The following NTRK2 variants were observed in gnomAD, a reference collection of about 807,000 sequenced individuals.
The protein encoded by NTRK2 is BDNF/NT-3 growth factors receptor.
Under a neutral mutation model 94.5 loss-of-function variants are expected in NTRK2, and 13 were observed. The observed-to-expected ratio is 0.14, with a 90% confidence interval of 0.09 to 0.22. The LOEUF is 0.22. Ranked by LOEUF, NTRK2 falls within the 10% of genes least tolerant of loss-of-function variation. NTRK2 has a pLI of 1.00. For synonymous variants in NTRK2, 372 were observed against 407.4 expected, an observed-to-expected ratio of 0.91 and a Z score of 1.05; for missense variants, 639 against 1,071.2, an observed-to-expected ratio of 0.60 and a Z score of 5.63.
intron 14 of NTRK2, among the ~76,000 whole-genome samples, chr9:84,913,450 G>A (rs1246847486): frequency 7.2e-5 from 11 of 152,090 alleles, no homozygotes; most frequent in Admixed American, 7.2e-4. Context: ...TTCAACCATT[G>A]AGCACAATGT....
In NTRK2 at chr9:85,025,455, A is replaced by G. The variant is rs1832986797; in HGVS notation, c.*4018A>G. ...CAGTCCAAGACCCCACAGCGAGATG[A>G]GCAACTCTTAGGAATTCCCACATCC... On this transcript the variant is annotated 3_prime_UTR_variant, in exon 19 of 19. Transcript: ENST00000277120. 1 of 233,168 alleles carries G rather than the reference A, an allele frequency of 4.3e-6. No individual in the cohort carries two copies. Among genetic ancestry groups the G allele is most frequent in the East Asian group, 6.0e-5 (1 of 16,600 alleles). The allele number at this position is 233,168 out of a possible 1,614,324, so 14.4% of individuals were successfully genotyped here.
At chr9:84,746,192 AATG>A (rs1419463833) in intron 11 of NTRK2, among the ~76,000 whole-genome samples, 10 of 152,198 alleles carry the variant, frequency 6.6e-5, no homozygotes, top group African/African-American at 2.4e-4. Flanking sequence ...AACAAAAAAG[AATG>A]ATATTTCATA....
At chr9:84,723,764 C>T (rs1349830198) in intron 7 of NTRK2, 55 bp downstream of exon 7, 16 of 1,604,266 alleles carry the variant, frequency 1.0e-5, no homozygotes, top group Admixed American at 3.3e-5. Flanking sequence ...TTTCAGAATG[C>T]GAGAATGTAT....
intron 14 of NTRK2, among the ~76,000 whole-genome samples, chr9:84,895,957 G>A (rs72739923): frequency 0.021 from 3,251 of 152,312 alleles, 54 homozygotes; most frequent in Non-Finnish European, 0.032. Flanking sequence ...ATGTTAATTC[G>A]TAAATAAATA....
chr9:84,686,953 TTTTA>T (rs1257836154), intron 2 of NTRK2, among the ~76,000 whole-genome samples: 7 of 152,220 alleles, frequency 4.6e-5, no homozygotes, highest in Admixed American at 6.5e-5. Context: ...TCTATTGATG[TTTTA>T]TTTATTTATG....
intron 2 of NTRK2, among the ~76,000 whole-genome samples, chr9:84,676,904 A>G (rs1369712019): frequency 6.6e-6 from 1 of 152,182 alleles, no homozygotes; most frequent in African/African-American, 2.4e-5. Flanking sequence ...TCTGAAAGCA[A>G]TCATCTTATC....
At chr9:84,684,960 G>C (rs2059617816) in intron 2 of NTRK2, among the ~76,000 whole-genome samples, 1 of 151,790 alleles carries the variant, frequency 6.6e-6, no homozygotes, top group Non-Finnish European at 1.5e-5. Context: ...TTGTGAAGCA[G>C]AATTAAGTTT....
intron 4 of NTRK2, among the ~76,000 whole-genome samples, chr9:84,704,728 C>T (rs1438704055): frequency 6.6e-6 from 1 of 152,126 alleles, no homozygotes; most frequent in Non-Finnish European, 1.5e-5. Flanking sequence ...AATAGTAAGA[C>T]AGAGAGAAAT....
At chr9:84,699,698 A>C (rs2060603528) in intron 2 of NTRK2, among the ~76,000 whole-genome samples, 1 of 150,892 alleles carries the variant, frequency 6.6e-6, no homozygotes, top group Admixed American at 6.6e-5. Flanking sequence ...ATGCATTTCT[A>C]AATTGAATTC....
chr9:84,991,024 G>A (rs1001398593), intron 17 of NTRK2, among the ~76,000 whole-genome samples: 50 of 152,182 alleles, frequency 3.3e-4, no homozygotes, highest in African/African-American at 1.1e-3. Flanking sequence ...GTCACACTGG[G>A]TAGGAGCAGG....
At chr9:84,712,946 C>T (rs1006733492) in intron 6 of NTRK2, among the ~76,000 whole-genome samples, 2 of 152,126 alleles carry the variant, frequency 1.3e-5, no homozygotes, top group African/African-American at 4.8e-5. Context: ...CTTATTCATG[C>T]TTTTTACACA....
At chr9:84,693,155 A>T (rs1253797437) in intron 2 of NTRK2, among the ~76,000 whole-genome samples, 1 of 152,208 alleles carries the variant, frequency 6.6e-6, no homozygotes, top group Non-Finnish European at 1.5e-5. Context: ...TTTTCTAAAA[A>T]ATAAAGCACC....
intron 12 of NTRK2, among the ~76,000 whole-genome samples, chr9:84,782,770 G>A (rs1025082069): frequency 6.6e-6 from 1 of 152,080 alleles, no homozygotes; most frequent in Non-Finnish European, 1.5e-5. Context: ...GGAGTATAAC[G>A]GTTCAGGCTG....
intron 12 of NTRK2, among the ~76,000 whole-genome samples, chr9:84,799,440 A>T (rs2070110258): frequency 6.6e-6 from 1 of 152,204 alleles, no homozygotes; most frequent in Non-Finnish European, 1.5e-5. Flanking sequence ...ACCGATGTGG[A>T]ACAATCTGTG....
At chr9:85,004,239 G>A (rs1343317761) in intron 17 of NTRK2, among the ~76,000 whole-genome samples, 1 of 151,886 alleles carries the variant, frequency 6.6e-6, no homozygotes, top group African/African-American at 2.4e-5. Flanking sequence ...GGGGAAGATT[G>A]TTCCAAAGTC....
At chr9:84,962,604 T>C (rs1564506809) in intron 17 of NTRK2, among the ~76,000 whole-genome samples, 1 of 152,174 alleles carries the variant, frequency 6.6e-6, no homozygotes, top group African/African-American at 2.4e-5. Context: ...GGAATGACAG[T>C]AGGGAAAAGT....
chr9:84,859,948 A>G (rs2075252606), intron 12 of NTRK2, among the ~76,000 whole-genome samples: 1 of 152,164 alleles, frequency 6.6e-6, no homozygotes, highest in African/African-American at 2.4e-5. Flanking sequence ...ATCAGAAGTA[A>G]AATTCGGATT....
At position 84,814,306 on chromosome 9, in the gene NTRK2, G is replaced by T. The variant is rs201411217; in HGVS notation, c.1397-46734G>T. 1.8e-5 allele frequency: 19 copies of T among 1,065,296 alleles called. No homozygotes were observed. The African/African-American group carries it at 3.1e-4, about 17-fold the overall frequency. The allele number at this position is 1,065,296 out of a possible 1,614,324, so 66.0% of individuals were successfully genotyped here. On this transcript the variant is annotated intron_variant, in intron 12 of 18. Transcript: ENST00000277120. ...GAGCAGAGGCGACACCTCTTCAGGG[G>T]TGTGTGGAGTAAATAGCTCGAAGAG...
At chr9:84,813,117 G>T (rs1042790574) in intron 12 of NTRK2, 1 of 1,040,708 alleles carries the variant, frequency 9.6e-7, no homozygotes, top group Non-Finnish European at 1.2e-6. Context: ...GAAAAGGAGA[G>T]GTAGCATTTT....
Sources: gnomAD v4.1 joint callset for allele counts (sites outside exome capture counted in the v4.1 genomes callset) on GRCh38, gnomAD v4.1.1 for gene constraint, MANE v1.5 for transcripts, NCBI Gene and HGNC (gene_info 2026-07-23, HGNC 2026-07-21) for gene names.